The following PRSS55 variants were observed in gnomAD, a reference collection of about 807,000 sequenced individuals.
The protein encoded by PRSS55 is serine protease 55, also known as probable serine protease UNQ9391/PRO34284.
PRSS55 carries 41 observed loss-of-function variants against 23.6 expected under a neutral mutation model. The observed-to-expected ratio is 1.74, with a 90% CI of 1.35 to 2.26. The LOEUF (loss-of-function observed/expected upper bound fraction) is 2.26, where lower values mean the gene tolerates loss of function less well. Among genes scored for constraint, PRSS55 ranks in the 30% most tolerant of loss-of-function variants. The probability of loss-of-function intolerance (pLI) is 0.00; values close to 1 mark genes in which losing one functional copy is unlikely to be tolerated. For missense variants in PRSS55, 669 were observed against 439.1 expected (o/e 1.52, Z -4.68); for synonymous variants, 262 against 175.5 (o/e 1.49, Z -3.90).
At chr8:10,550,869 C>T (rs895383263) in intron 4 of PRSS55, among the ~76,000 whole-genome samples, 3 of 152,218 alleles carry the variant, frequency 2.0e-5, no homozygotes, top group African/African-American at 7.2e-5. Context: ...TGTAGGAGTG[C>T]ATGGAAAGCT....
chr8:10,534,251 A>G (rs1251464135), intron 4 of PRSS55, among the ~76,000 whole-genome samples: 2 of 152,256 alleles, frequency 1.3e-5, no homozygotes, highest in Non-Finnish European at 2.9e-5. Context: ...ATCTTGTAAA[A>G]TAAAAACAAA....
intron 4 of PRSS55, among the ~76,000 whole-genome samples, chr8:10,548,225 A>G (rs1307624619): frequency 1.3e-5 from 2 of 152,092 alleles, no homozygotes; most frequent in African/African-American, 2.4e-5. Context: ...AGTGGGGTGC[A>G]GTTCCCAGAT....
At chr8:10,548,937 G>T (rs957692726) in intron 4 of PRSS55, among the ~76,000 whole-genome samples, 4 of 152,210 alleles carry the variant, frequency 2.6e-5, no homozygotes, top group African/African-American at 7.2e-5. Context: ...ACTGAGGCTG[G>T]GGTTGGATCA....
At chr8:10,533,770 A>T (rs1812355614) in intron 4 of PRSS55, among the ~76,000 whole-genome samples, 1 of 152,224 alleles carries the variant, frequency 6.6e-6, no homozygotes, top group Non-Finnish European at 1.5e-5. Flanking sequence ...TTGGCCAGGC[A>T]GTGGACCTTG....
intron 4 of PRSS55, among the ~76,000 whole-genome samples, chr8:10,534,792 G>A (rs1000254746): frequency 6.6e-6 from 1 of 152,194 alleles, no homozygotes; most frequent in Admixed American, 6.5e-5. Flanking sequence ...CTTTGCAAAT[G>A]ATATGGTTCT....
intron 3 of PRSS55, among the ~76,000 whole-genome samples, chr8:10,532,236 G>A (rs986150838): frequency 2.0e-5 from 3 of 152,146 alleles, no homozygotes; most frequent in African/African-American, 7.2e-5. Flanking sequence ...GAAGCGGTGG[G>A]ACCTTAGTTC....
rs143626876 is a variant in PRSS55, at chr8:10,538,716, C to G, written c.982C>G (p.Pro328Ala). ...KPMGSPVSGVPEPGSPRSWLL... is the reference protein window; with the variant it reads ...KPMGSPVSGVAEPGSPRSWLL... The stretch of plus-strand genomic sequence containing the variant: ...TATGGGCTCCCCAGTCTCGGGAGTC[C>G]CAGAGCCAGGCAGCCCCAGATCCTG... Residue 328 changes from proline (P) to alanine (A), a missense_variant, in exon 5 of 5, where the codon CCA becomes GCA. Coordinates refer to ENST00000328655, the MANE Select transcript of PRSS55 (RefSeq NM_198464.4). 1.2e-6 allele frequency: 2 copies of G among 1,613,556 alleles called. No homozygotes were observed. The highest frequency in any genetic ancestry group is 1.7e-6 in the Non-Finnish European group (2 of 1,179,834).
chr8:10,538,122 C>G (rs1812519098), intron 4 of PRSS55, among the ~76,000 whole-genome samples: 1 of 152,274 alleles, frequency 6.6e-6, no homozygotes, highest in Non-Finnish European at 1.5e-5. Flanking sequence ...TCCAGAGCCT[C>G]TCATTTGATA....
chr8:10,532,170 A>T (rs1218678733), intron 3 of PRSS55, among the ~76,000 whole-genome samples: 4 of 152,180 alleles, frequency 2.6e-5, no homozygotes, highest in Non-Finnish European at 5.9e-5. Flanking sequence ...GATGATTTGC[A>T]GCGAGCCTGG....
intron 4 of PRSS55, among the ~76,000 whole-genome samples, chr8:10,545,873 C>T (rs1439292984): frequency 2.6e-5 from 4 of 152,314 alleles, no homozygotes; most frequent in East Asian, 3.9e-4. Context: ...ACATCAGAAC[C>T]GGCCCAGTAA....
intron 1 of PRSS55, 148 bp from the exon 2 acceptor site, chr8:10,529,359 C>G: frequency 1.3e-6 from 1 of 778,524 alleles, no homozygotes; most frequent in Middle Eastern, 3.5e-4. Flanking sequence ...AAGGGCTGCC[C>G]CGCTCGGCAG....
At chr8:10,553,717 T>C (rs1301333212) in intron 4 of PRSS55, among the ~76,000 whole-genome samples, 1 of 152,178 alleles carries the variant, frequency 6.6e-6, no homozygotes, top group Non-Finnish European at 1.5e-5. Flanking sequence ...TTGCACAGCA[T>C]GGTTACTATT....
At chr8:10,553,888 G>T (rs1439486329) in intron 4 of PRSS55, 4 of 1,228,760 alleles carry the variant, frequency 3.3e-6, no homozygotes, top group Admixed American at 4.6e-5. Context: ...GCACCACATT[G>T]TACAATAAAT....
chr8:10,532,828 A>G lies in PRSS55; in HGVS notation c.599-78A>G. 4 of 1,579,540 alleles carry G rather than the reference A, an allele frequency of 2.5e-6. No individual in the cohort carries two copies. The South Asian group carries it at 3.4e-5, about 14-fold the overall frequency. ...ATGGGGGCTGGGGGACACAGGGCCG[A>G]GGGCACAGTCAGCTGCATCACGAAC... On this transcript the variant is annotated intron_variant, in intron 3 of 4. Coordinates refer to ENST00000328655, the MANE Select transcript of PRSS55 (RefSeq NM_198464.4).
chr8:10,553,881 C>G lies in PRSS55; in HGVS notation c.742-62C>G, dbSNP rs1585901260. On this transcript the variant is annotated intron_variant, in intron 4 of 4. Transcript: ENST00000522210. Reference sequence around the variant, plus strand: ...CACAATGTATACATAAATCAAAGCACCACATTGTACAATAAATACATAAAA... The same window carrying G: ...CACAATGTATACATAAATCAAAGCAGCACATTGTACAATAAATACATAAAA... 7 of 1,123,086 alleles carry G rather than the reference C, an allele frequency of 6.2e-6. No individual in the cohort carries two copies. The South Asian group carries it at 7.5e-5, about 12-fold the overall frequency. The allele number at this position is 1,123,086 out of a possible 1,614,324, so 69.6% of individuals were successfully genotyped here. A position where few individuals can be genotyped will look rare whatever the true frequency, so the allele number is the denominator to read the frequency against.
At chr8:10,545,948 C>A (rs560787440) in intron 4 of PRSS55, among the ~76,000 whole-genome samples, 1 of 152,334 alleles carries the variant, frequency 6.6e-6, no homozygotes, top group South Asian at 2.1e-4. Context: ...TGCTGGGCCC[C>A]TCCCTGCAGA....
intron 3 of PRSS55, 114 bp downstream of exon 3, chr8:10,531,659 G>C: frequency 6.9e-7 from 1 of 1,451,770 alleles, no homozygotes; most frequent in East Asian, 2.3e-5. Context: ...TTCCCGCTCA[G>C]TGGAGTCTCA....
At chr8:10,553,918 TG>T in intron 4 of PRSS55, 1 of 1,457,138 alleles carries the variant, frequency 6.9e-7, no homozygotes, top group Non-Finnish European at 9.1e-7. Flanking sequence ...TTTTTTAATT[TG>T]TCAATTTAAT....
chr8:10,537,267 A>G lies in PRSS55; in HGVS notation c.742-1209A>G, dbSNP rs139744182. 3.5e-3 allele frequency among the ~76,000 whole-genome samples: 528 copies of G among 152,348 alleles called. 2 individuals are homozygous for G. Among genetic ancestry groups the G allele is most frequent in the Non-Finnish European group, 6.2e-3 (419 of 68,026 alleles). On this transcript the variant is annotated intron_variant, in intron 4 of 4. Transcript: ENST00000328655. ...GATGAATTGATAAAGAAAATTAGGCAGTATACACGACGGAATATTATTCAG... is the reference window on the plus strand; with the variant it reads ...GATGAATTGATAAAGAAAATTAGGCGGTATACACGACGGAATATTATTCAG...
Sources: allele counts gnomAD v4.1 joint callset (sites outside exome capture counted in the v4.1 genomes callset), GRCh38; gene constraint gnomAD v4.1.1; transcripts MANE v1.5; gene names NCBI Gene and HGNC (gene_info 2026-07-23, HGNC 2026-07-21).